SLC8A1: variants seen among roughly 807,000 people sequenced by gnomAD.
SLC8A1 encodes solute carrier family 8 member A1.
Under a neutral mutation model 68.3 loss-of-function variants are expected in SLC8A1, and 18 were observed. The ratio of observed to expected loss-of-function variants is 0.26; its 90% CI spans 0.18 to 0.39. The LOEUF (loss-of-function observed/expected upper bound fraction) is 0.39. Ranked by LOEUF, SLC8A1 falls within the 10% of genes least tolerant of loss-of-function variation. The probability of loss-of-function intolerance (pLI) is 1.00; values close to 1 mark genes in which losing one functional copy is unlikely to be tolerated. For missense variants in SLC8A1, 985 were observed against 1,156.7 expected, an observed-to-expected ratio of 0.85 and a Z score of 2.15; for synonymous variants, 475 against 415.5, an observed-to-expected ratio of 1.14 and a Z score of -1.74.
At chr2:40,259,963 A>G (rs2064468402) in intron 2 of SLC8A1, among the ~76,000 whole-genome samples, 1 of 152,132 alleles carries the variant, frequency 6.6e-6, no homozygotes, top group South Asian at 2.1e-4. Context: ...TTTCTGACCA[A>G]AATTGTATGT....
intron 2 of SLC8A1, among the ~76,000 whole-genome samples, chr2:40,326,654 G>A (rs1010351536): frequency 2.0e-5 from 3 of 152,136 alleles, no homozygotes; most frequent in Admixed American, 2.0e-4. Context: ...CCAAAATGAA[G>A]AGATGAAACA....
At chr2:40,389,407 T>A (rs945169808) in intron 2 of SLC8A1, among the ~76,000 whole-genome samples, 8 of 152,134 alleles carry the variant, frequency 5.3e-5, no homozygotes, top group Non-Finnish European at 1.2e-4. Flanking sequence ...TACAATCTAA[T>A]CTAAGCTTCC....
At chr2:40,132,199 A>G (rs1391838844) in intron 7 of SLC8A1, among the ~76,000 whole-genome samples, 1 of 152,188 alleles carries the variant, frequency 6.6e-6, no homozygotes, top group Non-Finnish European at 1.5e-5. Flanking sequence ...TACTTTAAAA[A>G]TAAGTCCAAG....
chr2:40,429,801 G>A, exon 2 of SLC8A1: 2 of 1,613,776 alleles, frequency 1.2e-6, no homozygotes, highest in Non-Finnish European at 1.7e-6. Context: ...CTGCAGTGAA[G>A]TTATGGCCAC....
intron 1 of SLC8A1, among the ~76,000 whole-genome samples, chr2:40,496,417 G>T (rs982524719): frequency 3.3e-5 from 5 of 151,998 alleles, no homozygotes; most frequent in African/African-American, 1.2e-4. Context: ...TCAAACAGTT[G>T]GATCAAGATC....
chr2:40,128,801 G>T (rs1217501008), intron 7 of SLC8A1, among the ~76,000 whole-genome samples: 1 of 152,196 alleles, frequency 6.6e-6, no homozygotes, highest in Admixed American at 6.5e-5. Context: ...AATATATAGA[G>T]AGAGATTCTG....
At chr2:40,375,292 T>C (rs12478677) in intron 2 of SLC8A1, among the ~76,000 whole-genome samples, 76,436 of 151,604 alleles carry the variant, frequency 0.5, 19,918 homozygotes, top group Non-Finnish European at 0.57. Flanking sequence ...CAAGACAGAA[T>C]TGACTCAAAA....
At chr2:40,283,914 C>G (rs544500690) in intron 2 of SLC8A1, among the ~76,000 whole-genome samples, 1 of 152,232 alleles carries the variant, frequency 6.6e-6, no homozygotes, top group South Asian at 2.1e-4. Flanking sequence ...TACTACCCCC[C>G]ACCTTTTATT....
intron 4 of SLC8A1, 40 bp downstream of exon 5, chr2:40,174,785 C>A (rs755784123): frequency 1.8e-5 from 29 of 1,600,558 alleles, no homozygotes; most frequent in Non-Finnish European, 2.4e-5. Flanking sequence ...TGAGAACAGA[C>A]AGTAAAAGTT....
At chr2:40,308,900 A>C (rs2073164157) in intron 2 of SLC8A1, among the ~76,000 whole-genome samples, 1 of 152,166 alleles carries the variant, frequency 6.6e-6, no homozygotes, top group Non-Finnish European at 1.5e-5. Context: ...ACAGAGCATA[A>C]ATCTTCCTGG....
At position 40,211,183 on chromosome 2, in the gene SLC8A1, C is replaced by T. The variant is rs80340726; in HGVS notation, c.1809-33328G>A. ...CATCTCACAACAACCTTGCTCATCT[C>T]TTCCTTTTAATTATTTTACTGTGCA... On this transcript the variant is annotated intron_variant, in intron 2 of 7. Coordinates refer to ENST00000406785, the Ensembl canonical transcript of SLC8A1. 3.3e-5 allele frequency among the ~76,000 whole-genome samples: 5 copies of T among 152,230 alleles called. No individual in the cohort carries two copies. In the East Asian group the frequency reaches 7.7e-4, roughly 23 times the overall value.
At chr2:40,339,837 T>G (rs890772889) in intron 2 of SLC8A1, among the ~76,000 whole-genome samples, 2 of 152,210 alleles carry the variant, frequency 1.3e-5, no homozygotes, top group African/African-American at 4.8e-5. Flanking sequence ...ATAAAAATCA[T>G]GAACATATAT....
chr2:40,414,572 G>T (rs1267769093), intron 2 of SLC8A1, among the ~76,000 whole-genome samples: 1 of 152,056 alleles, frequency 6.6e-6, no homozygotes, highest in Non-Finnish European at 1.5e-5. Flanking sequence ...TGCCTTGATT[G>T]ATCTTTCATT....
At chr2:40,251,127 GAAAATACT>G (rs1022153637) in intron 2 of SLC8A1, 109 of 151,912 alleles carry the variant, frequency 7.2e-4, no homozygotes, top group African/African-American at 2.5e-3. Flanking sequence ...GGGATATTGC[GAAAATACT>G]AAAATACTAA....
intron 1 of SLC8A1, among the ~76,000 whole-genome samples, chr2:40,489,429 A>G (rs1464909306): frequency 6.6e-6 from 1 of 152,216 alleles, no homozygotes; most frequent in East Asian, 1.9e-4. Flanking sequence ...CAAGGCAGAA[A>G]AAAGAGAAAG....
intron 2 of SLC8A1, among the ~76,000 whole-genome samples, chr2:40,188,457 G>C (rs1421099432): frequency 6.6e-6 from 1 of 152,214 alleles, no homozygotes; most frequent in East Asian, 1.9e-4. Context: ...TGAAATTGAT[G>C]CTGCTGGATT....
chr2:40,111,060 T>A (rs933810341), exon 8 of SLC8A1: 1 of 152,172 alleles, frequency 6.6e-6, no homozygotes, highest in Non-Finnish European at 1.5e-5. Flanking sequence ...AAGGCATGCA[T>A]CAGAATTTTT....
exon 2 of SLC8A1, chr2:40,429,495 G>C (rs1024018794): frequency 5.6e-6 from 9 of 1,613,686 alleles, no homozygotes; most frequent in Non-Finnish European, 6.8e-6. Context: ...ACCTCTTGTA[G>C]ACATACTTGT....
At chr2:40,302,031 C>CTGTGTGTGTG (rs374407377) in intron 2 of SLC8A1, among the ~76,000 whole-genome samples, 8,466 of 132,216 alleles carry the variant, frequency 0.064, 319 homozygotes, top group Middle Eastern at 0.084. Context: ...CCGGGCTAAT[C>CTGTGTGTGTG]TGTGTGTGTG....
Sources: gnomAD v4.1 joint callset for allele counts (sites outside exome capture counted in the v4.1 genomes callset) on GRCh38, gnomAD v4.1.1 for gene constraint, MANE v1.5 for transcripts, NCBI Gene and HGNC (gene_info 2026-07-23, HGNC 2026-07-21) for gene names.